GRIA4: variants seen among roughly 807,000 people sequenced by gnomAD.
GRIA4 encodes glutamate receptor 4.
GRIA4 carries 34 observed loss-of-function variants against 104.0 expected under a neutral mutation model. The ratio of observed to expected loss-of-function variants is 0.33; its 90% CI spans 0.25 to 0.44. GRIA4 has a LOEUF of 0.44. Among genes scored for constraint, GRIA4 ranks in the 20% least tolerant of loss-of-function variants. The pLI is 1.00. For synonymous variants in GRIA4, 386 were observed against 381.9 expected (o/e 1.01, Z -0.13); for missense variants, 750 against 1,096.5 (o/e 0.68, Z 4.46).
intron 3 of GRIA4, among the ~76,000 whole-genome samples, chr11:105,681,905 G>C (rs368391181): frequency 2.0e-5 from 3 of 152,168 alleles, no homozygotes; most frequent in African/African-American, 2.4e-5. Context: ...AGCCAAGCAT[G>C]GTCGTGGGCG....
intron 3 of GRIA4, among the ~76,000 whole-genome samples, chr11:105,722,111 C>A (rs1937862392): frequency 6.6e-6 from 1 of 152,082 alleles, no homozygotes; most frequent in Non-Finnish European, 1.5e-5. Context: ...TGAAACCTTT[C>A]CATAGTTAAA....
rs558809920 is a variant in GRIA4 at position 105,637,764 on chromosome 11, C to T, written c.247+25330C>T. 4.6e-5 allele frequency among the ~76,000 whole-genome samples: 7 copies of T among 152,098 alleles called. No homozygotes were observed. In the East Asian group the frequency reaches 1.4e-3, roughly 29 times the overall value. ...AAGCAGATTTTTAATAACTCATATT[C>T]GAGGGCTATTATAGCATATTTTTAC... is the stretch of plus-strand genomic sequence containing the variant. On this transcript the variant is annotated intron_variant, in intron 3 of 16. Coordinates refer to ENST00000282499, the MANE Select transcript of GRIA4 (RefSeq NM_000829.4).
At chr11:105,934,935 TTG>T (rs1257284229) in intron 14 of GRIA4, among the ~76,000 whole-genome samples, 1 of 152,164 alleles carries the variant, frequency 6.6e-6, no homozygotes, top group Non-Finnish European at 1.5e-5. Flanking sequence ...ATCAGAATCT[TTG>T]CCAAAGGACT....
At chr11:105,902,272 G>A (rs1349683572) in intron 7 of GRIA4, among the ~76,000 whole-genome samples, 2 of 151,026 alleles carry the variant, frequency 1.3e-5, no homozygotes, top group South Asian at 4.2e-4. Context: ...TCTCTTCCCT[G>A]TAATGGTGGT....
At chr11:105,933,139 G>A (rs1947931891) in intron 13 of GRIA4, among the ~76,000 whole-genome samples, 1 of 151,876 alleles carries the variant, frequency 6.6e-6, no homozygotes, top group Admixed American at 6.6e-5. Flanking sequence ...CTATGCAGGA[G>A]GCTGAGGCGG....
At chr11:105,866,545 GTGTGTGTATATATATATATATA>G (rs1163514594) in intron 5 of GRIA4, among the ~76,000 whole-genome samples, 20 of 71,250 alleles carry the variant, frequency 2.8e-4, no homozygotes, top group African/African-American at 1.2e-3. Flanking sequence ...ATGTGTGTGT[GTGTGTGTATATATATATATATA>G]TATATATATA....
intron 4 of GRIA4, among the ~76,000 whole-genome samples, chr11:105,781,508 T>A (rs1200590307): frequency 6.6e-6 from 1 of 152,188 alleles, no homozygotes; most frequent in African/African-American, 2.4e-5. Flanking sequence ...ACCTATTTCC[T>A]TTTTATTTTG....
intron 3 of GRIA4, among the ~76,000 whole-genome samples, chr11:105,670,077 A>G (rs1247945732): frequency 6.6e-6 from 1 of 152,122 alleles, no homozygotes; most frequent in Admixed American, 6.6e-5. Flanking sequence ...GTAAGGTATA[A>G]CACAAATAAA....
intron 4 of GRIA4, among the ~76,000 whole-genome samples, chr11:105,825,176 G>T (rs536859431): frequency 1.3e-5 from 2 of 152,068 alleles, no homozygotes; most frequent in East Asian, 3.9e-4. Flanking sequence ...TTTATCAAGG[G>T]GAATATTGGC....
chr11:105,624,987 G>A (rs1248038608), intron 3 of GRIA4, among the ~76,000 whole-genome samples: 1 of 152,032 alleles, frequency 6.6e-6, no homozygotes, highest in Non-Finnish European at 1.5e-5. Flanking sequence ...TTGGAAAGTA[G>A]CACAGAGATA....
chr11:105,807,532 A>C (rs564438159), intron 4 of GRIA4, among the ~76,000 whole-genome samples: 1 of 151,898 alleles, frequency 6.6e-6, no homozygotes, highest in Non-Finnish European at 1.5e-5. Context: ...CAGAGGAAAA[A>C]TCTTTTTCTT....
At chr11:105,746,991 T>C (rs1939699309) in intron 3 of GRIA4, among the ~76,000 whole-genome samples, 1 of 151,922 alleles carries the variant, frequency 6.6e-6, no homozygotes, top group South Asian at 2.1e-4. Flanking sequence ...GCTCAAAGAG[T>C]AATCCTAAAA....
chr11:105,802,077 G>T (rs1942741783), intron 4 of GRIA4, among the ~76,000 whole-genome samples: 1 of 152,106 alleles, frequency 6.6e-6, no homozygotes, highest in African/African-American at 2.4e-5. Context: ...GTCCAGATGG[G>T]CAGATGCGGC....
At chr11:105,626,270 C>T (rs894943963) in intron 3 of GRIA4, among the ~76,000 whole-genome samples, 2 of 152,018 alleles carry the variant, frequency 1.3e-5, no homozygotes, top group African/African-American at 2.4e-5. Context: ...CACATACACA[C>T]ATACACACAC....
intron 14 of GRIA4, among the ~76,000 whole-genome samples, chr11:105,959,702 G>T (rs1948686010): frequency 6.6e-6 from 1 of 152,184 alleles, no homozygotes; most frequent in Admixed American, 6.5e-5. Flanking sequence ...TGGGTTTTCA[G>T]CATTTTTTCA....
intron 4 of GRIA4, among the ~76,000 whole-genome samples, chr11:105,785,129 A>T (rs993700470): frequency 6.6e-6 from 1 of 152,092 alleles, no homozygotes; most frequent in Non-Finnish European, 1.5e-5. Flanking sequence ...TGCCTCCACA[A>T]CCTAGGTTCT....
intron 3 of GRIA4, among the ~76,000 whole-genome samples, chr11:105,641,800 G>T (rs1951368597): frequency 6.6e-6 from 1 of 152,154 alleles, no homozygotes; most frequent in African/African-American, 2.4e-5. Context: ...ATACAAAACT[G>T]CTCTGTATCA....
Position 105,861,201 on chromosome 11 carries a change from C to T in GRIA4, c.488-823C>T, listed in dbSNP as rs562558306. Among the ~76,000 whole-genome samples the T allele has an allele frequency of 8.5e-5, 13 of 152,150 alleles. No individual in the cohort carries two copies. In the East Asian group the frequency reaches 1.9e-3, roughly 23 times the overall value. ...GGCTGTCTTCACGTAATAAACACCC[C>T]CACCTGCATCAGTCTTGCACGCTCC... On this transcript the variant is annotated intron_variant, in intron 4 of 16. Transcript: ENST00000282499.
At chr11:105,947,444 A>G (rs998847686) in intron 14 of GRIA4, among the ~76,000 whole-genome samples, 2 of 152,182 alleles carry the variant, frequency 1.3e-5, no homozygotes, top group African/African-American at 2.4e-5. Flanking sequence ...GACATTTGTT[A>G]TATCAGGAAG....
Sources: gnomAD v4.1 joint callset for allele counts (sites outside exome capture counted in the v4.1 genomes callset) on GRCh38, gnomAD v4.1.1 for gene constraint, MANE v1.5 for transcripts, NCBI Gene and HGNC (gene_info 2026-07-23, HGNC 2026-07-21) for gene names.